UBE3C: variants seen among roughly 807,000 people sequenced by gnomAD.
UBE3C encodes ubiquitin-protein ligase E3C.
A neutral mutation model predicts 129.4 loss-of-function variants in UBE3C; 42 were observed. The observed-to-expected ratio is 0.32, with a 90% CI of 0.25 to 0.42. The LOEUF (loss-of-function observed/expected upper bound fraction) is 0.42. Among genes scored for constraint, UBE3C ranks in the 10% least tolerant of loss-of-function variants. UBE3C has a pLI of 1.00. For synonymous variants in UBE3C, 510 were observed against 492.4 expected, an observed-to-expected ratio of 1.04 and a Z score of -0.47; for missense variants, 1,049 against 1,319.1, an observed-to-expected ratio of 0.80 and a Z score of 3.17.
chr7:157,181,756 T>G, intron 7 of UBE3C, 85 bp downstream of exon 7: 1 of 1,506,618 alleles, frequency 6.6e-7, no homozygotes, highest in Non-Finnish European at 9.0e-7. Flanking sequence ...TGATTTTAAA[T>G]ATAGACTTGA....
chr7:157,199,021 A>G (rs1389434581), intron 10 of UBE3C, among the ~76,000 whole-genome samples: 2 of 152,214 alleles, frequency 1.3e-5, no homozygotes, highest in South Asian at 4.2e-4. Context: ...TTAGTGACAA[A>G]CTCTTAGAAC....
At chr7:157,167,282 C>G (rs1251432481) in intron 2 of UBE3C, among the ~76,000 whole-genome samples, 1 of 151,942 alleles carries the variant, frequency 6.6e-6, no homozygotes, top group Non-Finnish European at 1.5e-5. Context: ...ATCTACATGA[C>G]CTGATGGTGT....
At position 157,267,591 on chromosome 7, in the gene UBE3C, T is replaced by C; in HGVS notation, c.3088T>C (p.Tyr1030His). 6.2e-7 allele frequency: 1 copy of C among 1,613,142 alleles called. No individual in the cohort carries two copies. Among genetic ancestry groups the C allele is most frequent in the East Asian group, 2.2e-5 (1 of 44,832 alleles). Residue 1030 changes from tyrosine (Y) to histidine (H), a missense_variant, in exon 23 of 23, where the codon TAT becomes CAT. Physicochemically the swap from Tyr to His is moderately conservative, Grantham distance 83. Coordinates refer to ENST00000348165, the MANE Select transcript of UBE3C (RefSeq NM_014671.3). ...RPPLLGFKEL[Y>H]PAFCIHNGGS... is the part of the protein sequence containing the mutation. ...CACACATGCTGTTTTTCAGGAGTTG[T>C]ATCCCGCATTTTGTATTCACAACGG...
At chr7:157,182,457 G>A in intron 8 of UBE3C, 129 bp downstream of exon 8, 4 of 889,330 alleles carry the variant, frequency 4.5e-6, no homozygotes, top group Non-Finnish European at 6.8e-6. Flanking sequence ...GTATTTGCTG[G>A]AGGGATGTGG....
rs922365157 is a variant in UBE3C at position 157,142,992 on chromosome 7, C to T, written c.66+3654C>T. ...AAGCGATTCTCCTGCCTCAGCTTCC[C>T]GGGTAGCTGGGATTACAGGCCTGCA... On this transcript the variant is annotated intron_variant, in intron 1 of 22. Coordinates refer to ENST00000348165, the MANE Select transcript of UBE3C (RefSeq NM_014671.3). Among the ~76,000 whole-genome samples the T allele has an allele frequency of 3.9e-5, 6 of 152,108 alleles. No homozygotes were observed. In the East Asian group the frequency reaches 5.8e-4, roughly 15 times the overall value.
intron 13 of UBE3C, among the ~76,000 whole-genome samples, chr7:157,209,625 C>T (rs541756114): frequency 6.6e-6 from 1 of 152,252 alleles, no homozygotes; most frequent in South Asian, 2.1e-4. Context: ...GTTAATAAAG[C>T]TTTCCATGAT....
chr7:157,200,941 T>A (rs1809262107), intron 10 of UBE3C, among the ~76,000 whole-genome samples: 1 of 152,194 alleles, frequency 6.6e-6, no homozygotes, highest in Admixed American at 6.5e-5. Context: ...TACATTTTTT[T>A]AGATTTATTT....
At position 157,223,218 on chromosome 7, in the gene UBE3C, C is replaced by A. The variant is rs1026713400; in HGVS notation, c.2003-36C>A. 2.5e-6 allele frequency: 4 copies of A among 1,596,986 alleles called. No individual in the cohort carries two copies. The African/African-American group carries it at 4.0e-5, about 16-fold the overall frequency. ...GTCAGTGGGAATGCAGGGGAAAGTA[C>A]AAGTGAACTAATTAAGGTTTTAAAA... On this transcript the variant is annotated intron_variant, in intron 15 of 22. Coordinates refer to ENST00000348165, the MANE Select transcript of UBE3C (RefSeq NM_014671.3).
At chr7:157,244,844 A>G (rs1796435658) in intron 18 of UBE3C, among the ~76,000 whole-genome samples, 1 of 152,238 alleles carries the variant, frequency 6.6e-6, no homozygotes, top group South Asian at 2.1e-4. Context: ...GGTCTTTTCC[A>G]TATACCTATT....
chr7:157,197,509 G>GTT (rs74600078), intron 10 of UBE3C: 796 of 641,790 alleles, frequency 1.2e-3, no homozygotes, highest in South Asian at 1.6e-3. Context: ...AAAATAATTT[G>GTT]TTTTTTTTTT....
chr7:157,143,159 G>A (rs1198559193), intron 1 of UBE3C, among the ~76,000 whole-genome samples: 3 of 152,186 alleles, frequency 2.0e-5, no homozygotes, highest in South Asian at 4.2e-4. Flanking sequence ...GAGCCACTGC[G>A]CTCAGCCTGA....
chr7:157,266,508 A>G (rs1188585880), intron 22 of UBE3C, among the ~76,000 whole-genome samples: 1 of 152,164 alleles, frequency 6.6e-6, no homozygotes, highest in Non-Finnish European at 1.5e-5. Context: ...TCTCCCCACA[A>G]TGCTGGGATC....
At chr7:157,152,675 AC>A (rs1807789561) in intron 1 of UBE3C, among the ~76,000 whole-genome samples, 1 of 151,382 alleles carries the variant, frequency 6.6e-6, no homozygotes, top group South Asian at 2.1e-4. Context: ...ATTTAGCAAA[AC>A]CCCCAACACT....
chr7:157,266,462 C>T (rs1220194454), intron 22 of UBE3C, among the ~76,000 whole-genome samples: 1 of 152,118 alleles, frequency 6.6e-6, no homozygotes, highest in Non-Finnish European at 1.5e-5. Context: ...CTTCCCATTC[C>T]CTTAATCATC....
intron 22 of UBE3C, among the ~76,000 whole-genome samples, chr7:157,266,473 G>A (rs902924064): frequency 6.6e-5 from 10 of 151,850 alleles, no homozygotes; most frequent in African/African-American, 2.4e-4. Context: ...CTTAATCATC[G>A]TGGAGATCCA....
In UBE3C at chr7:157,176,564, C is replaced by T. The variant is rs145793992; in HGVS notation, c.458+1530C>T. 7.1e-3 allele frequency among the ~76,000 whole-genome samples: 1,085 copies of T among 152,322 alleles called. 18 individuals carry two copies. The highest frequency in any genetic ancestry group is 0.047 in the South Asian group (225 of 4,826). On this transcript the variant is annotated intron_variant, in intron 5 of 22. Transcript: ENST00000348165. ...TGCTGGGATTACAGGCGTGAGCCAC[C>T]GTGCCCAGCCAAACCCATGTTTCTT...
At chr7:157,173,300 C>T (rs1034508583) in intron 4 of UBE3C, among the ~76,000 whole-genome samples, 1 of 152,140 alleles carries the variant, frequency 6.6e-6, no homozygotes, top group Non-Finnish European at 1.5e-5. Context: ...CGTTTGAGCC[C>T]AGGTATTCAA....
intron 1 of UBE3C, among the ~76,000 whole-genome samples, chr7:157,158,637 C>G (rs1054999748): frequency 6.6e-6 from 1 of 152,218 alleles, no homozygotes; most frequent in African/African-American, 2.4e-5. Context: ...CATTGAGCAG[C>G]TGTTATTTTC....
At chr7:157,178,617 T>C in intron 5 of UBE3C, 73 bp from the exon 6 acceptor site, 1 of 1,486,384 alleles carries the variant, frequency 6.7e-7, no homozygotes, top group Admixed American at 1.8e-5. Context: ...CCATTGTCAC[T>C]GAGAGTAACT....
Sources: gnomAD v4.1 joint callset for allele counts (sites outside exome capture counted in the v4.1 genomes callset) on GRCh38, gnomAD v4.1.1 for gene constraint, MANE v1.5 for transcripts, NCBI Gene and HGNC (gene_info 2026-07-23, HGNC 2026-07-21) for gene names.